The following CDHR3 variants were observed in gnomAD, a reference collection of about 807,000 sequenced individuals.
CDHR3 encodes cadherin-related family member 3.
In CDHR3, 79 loss-of-function variants were observed where a neutral mutation model predicts 86.6. The observed-to-expected ratio is 0.91, with a 90% CI of 0.76 to 1.10. CDHR3 has a LOEUF of 1.10. CDHR3 is among the 50% of genes least tolerant of loss of function. The probability of loss-of-function intolerance (pLI) is 0.00; values close to 1 mark genes in which losing one functional copy is unlikely to be tolerated. For synonymous variants in CDHR3, 421 were observed against 402.4 expected (o/e 1.05, Z -0.55); for missense variants, 1,081 against 1,077.6 (o/e 1.00, Z -0.04).
intron 9 of CDHR3, among the ~76,000 whole-genome samples, chr7:106,013,271 A>G (rs887542041): frequency 2.6e-5 from 4 of 152,238 alleles, no homozygotes; most frequent in African/African-American, 9.6e-5. Flanking sequence ...TTCCTTGCAT[A>G]GCATGCAGTT....
At chr7:106,018,469 C>G (rs1448386995) in intron 12 of CDHR3, among the ~76,000 whole-genome samples, 6 of 152,216 alleles carry the variant, frequency 3.9e-5, no homozygotes, top group Admixed American at 3.9e-4. Flanking sequence ...CTCCTGACCT[C>G]AAGTAATCCA....
Position 106,032,943 on chromosome 7 carries a change from A to G in CDHR3, c.*246A>G. 2.0e-6 allele frequency: 1 copy of G among 504,336 alleles called. No homozygotes were observed. The highest frequency in any genetic ancestry group is 1.9e-5 in the African/African-American group (1 of 52,772). The allele number at this position is 504,336 out of a possible 1,614,324, so 31.2% of individuals were successfully genotyped here. The stretch of plus-strand genomic sequence containing the variant: ...TTCAGAACTACCTGTGCTTCTGATA[A>G]GCAAGACTGTTAACTTTGGGGTGTG... On this transcript the variant is annotated 3_prime_UTR_variant, in exon 19 of 19. Transcript: ENST00000317716.
chr7:105,979,155 G>A (rs776704981), intron 2 of CDHR3, among the ~76,000 whole-genome samples: 1 of 152,160 alleles, frequency 6.6e-6, no homozygotes. Flanking sequence ...AAAAGTAGGT[G>A]TTATTATCCC....
intron 1 of CDHR3, among the ~76,000 whole-genome samples, chr7:105,972,754 A>G (rs1335743736): frequency 1.3e-5 from 2 of 152,224 alleles, no homozygotes; most frequent in Non-Finnish European, 2.9e-5. Context: ...TTAAAAATCT[A>G]TTCATATTCG....
rs762145423 is a variant in CDHR3, at chr7:106,020,467, C to A, written c.1748C>A (p.Thr583Lys). 6.2e-7 allele frequency: 1 copy of A among 1,613,934 alleles called. No individual in the cohort carries two copies. The highest frequency in any genetic ancestry group is 8.5e-7 in the Non-Finnish European group (1 of 1,179,870). Residue 583 changes from threonine to lysine, a missense_variant, in exon 13 of 19, where the codon ACA (threonine) becomes AAA (lysine). By Grantham distance (78) the Thr-to-Lys change is moderately conservative. Coordinates refer to ENST00000317716, the MANE Select transcript of CDHR3 (RefSeq NM_152750.5). Reference sequence around the variant, plus strand: ...CTCCCAGTGGATCTGAAAGTTGGCACAAATATTCAGAATTTCAAGCTGACA... The same window carrying A: ...CTCCCAGTGGATCTGAAAGTTGGCAAAAATATTCAGAATTTCAAGCTGACA... The part of the protein sequence containing the change: ...LALPVDLKVG[T>K]NIQNFKLTCT...
rs1215791611 is a variant in CDHR3, at chr7:106,020,511, AG to A, written c.1793del (p.Ser598ThrfsTer55). ...GCTGACATGTACCGACCTTGATTCC[AG>A]CCCCAGATCTTTCCGTTATTCCATT... ...FKLTCTDLDS[S>X]PRSFRYSIGP... On this transcript the variant is annotated frameshift_variant, in exon 13 of 19. Coordinates refer to ENST00000317716, the MANE Select transcript of CDHR3 (RefSeq NM_152750.5). LOFTEE classifies it high-confidence loss of function. 2 of 1,613,948 alleles carry A rather than the reference AG, an allele frequency of 1.2e-6. No individual in the cohort carries two copies. The highest frequency in any genetic ancestry group is 1.7e-6 in the Non-Finnish European group (2 of 1,179,840).
rs573537485 is a variant in CDHR3, at chr7:106,001,370, C to G, written c.714-92C>G. The G allele has an allele frequency of 4.7e-5, 66 of 1,393,608 alleles. No homozygotes were observed. In the African/African-American group the frequency reaches 8.3e-4, roughly 18 times the overall value. 86.3% of individuals were successfully genotyped at this position (1,393,608 alleles called of 1,614,324 possible). On this transcript the variant is annotated intron_variant, in intron 6 of 18. Coordinates refer to ENST00000317716, the MANE Select transcript of CDHR3 (RefSeq NM_152750.5). ...TTGATGCAACTTGAACAGCTCTGCA[C>G]TATATTTAGCACTAACCAAAATACC...
chr7:106,024,331 C>T (rs1443230128), intron 14 of CDHR3, 50 bp from the exon 15 acceptor site: 1 of 1,537,244 alleles, frequency 6.5e-7, no homozygotes, highest in Non-Finnish European at 9.0e-7. Flanking sequence ...TGCTGAATGT[C>T]AAAATCACTA....
At chr7:106,012,814 G>A (rs768548891) in intron 8 of CDHR3, 46 bp from the exon 9 acceptor site, 16 of 1,549,418 alleles carry the variant, frequency 1.0e-5, no homozygotes, top group African/African-American at 2.7e-5. Context: ...AGGAACAGTC[G>A]ATTACCATTT....
intron 10 of CDHR3, 88 bp downstream of exon 10, chr7:106,015,301 G>A (rs748738123): frequency 5.6e-5 from 66 of 1,174,050 alleles, no homozygotes; most frequent in Non-Finnish European, 7.9e-5. Flanking sequence ...ATTGTGCTAG[G>A]TCCCCCTTCT....
At chr7:106,009,877 G>A (rs552453724) in intron 8 of CDHR3, among the ~76,000 whole-genome samples, 42 of 152,350 alleles carry the variant, frequency 2.8e-4, no homozygotes, top group African/African-American at 8.4e-4. Context: ...GATTCAGAAT[G>A]GGCTGGACAC....
chr7:105,982,128 A>C (rs1829833995), intron 3 of CDHR3, among the ~76,000 whole-genome samples: 1 of 152,112 alleles, frequency 6.6e-6, no homozygotes, highest in Non-Finnish European at 1.5e-5. Context: ...TCCTCTGCTT[A>C]AAACCCTACA....
chr7:105,984,557 G>T (rs1830251136), intron 4 of CDHR3, among the ~76,000 whole-genome samples: 1 of 152,172 alleles, frequency 6.6e-6, no homozygotes, highest in Admixed American at 6.5e-5. Context: ...ACAAAGAAGA[G>T]TACCAGCAGC....
intron 3 of CDHR3, among the ~76,000 whole-genome samples, chr7:105,982,273 C>T (rs574964115): frequency 6.6e-6 from 1 of 151,878 alleles, no homozygotes; most frequent in African/African-American, 2.4e-5. Flanking sequence ...TTGAGACCAT[C>T]CTGGCTAACA....
chr7:106,015,755 C>T (rs1385941572), intron 10 of CDHR3, 172 bp from the exon 11 acceptor site: 6 of 665,036 alleles, frequency 9.0e-6, no homozygotes, highest in Non-Finnish European at 1.7e-5. Flanking sequence ...TGCTCATGCG[C>T]TTATCAAAGG....
chr7:106,022,515 C>A, intron 14 of CDHR3, 67 bp downstream of exon 14: 2 of 1,569,216 alleles, frequency 1.3e-6, no homozygotes, highest in Non-Finnish European at 1.7e-6. Context: ...GGACTTCTTT[C>A]CCCGGCCTGG....
At chr7:106,003,246 T>C (rs1833471297) in intron 7 of CDHR3, among the ~76,000 whole-genome samples, 1 of 152,156 alleles carries the variant, frequency 6.6e-6, no homozygotes, top group South Asian at 2.1e-4. Flanking sequence ...CAATTTGGAT[T>C]AGCACCATTT....
chr7:105,967,967 C>T (rs946329858), intron 1 of CDHR3, among the ~76,000 whole-genome samples: 11 of 152,154 alleles, frequency 7.2e-5, no homozygotes, highest in South Asian at 6.2e-4. Flanking sequence ...TAATTAGAAC[C>T]GATTTGACAA....
At chr7:105,978,884 G>T (rs6947411) in intron 2 of CDHR3, among the ~76,000 whole-genome samples, 11,147 of 152,156 alleles carry the variant, frequency 0.073, 586 homozygotes, top group South Asian at 0.2. Flanking sequence ...CTGAGGTCAA[G>T]GATCTATCCA....
Sources: gnomAD v4.1 joint callset for allele counts (sites outside exome capture counted in the v4.1 genomes callset) on GRCh38, gnomAD v4.1.1 for gene constraint, MANE v1.5 for transcripts, NCBI Gene and HGNC (gene_info 2026-07-23, HGNC 2026-07-21) for gene names.